NAV1: variants seen among roughly 807,000 people sequenced by gnomAD.
NAV1 encodes the protein pore membrane and/or filament interacting like protein 3.
In NAV1, 18 loss-of-function variants were observed where a neutral mutation model predicts 175.2. That is an observed-to-expected ratio of 0.10 (90% CI 0.07 to 0.15). NAV1 has a LOEUF of 0.15. Ranked by LOEUF, NAV1 falls within the 10% of genes least tolerant of loss-of-function variation. NAV1 has a pLI of 1.00. For missense variants in NAV1, 1,731 were observed against 2,436.6 expected (o/e 0.71, Z 6.10); for synonymous variants, 897 against 978.7 (o/e 0.92, Z 1.56).
chr1:201,720,599 A>G (rs1672342018), intron 3 of NAV1, among the ~76,000 whole-genome samples: 1 of 152,194 alleles, frequency 6.6e-6, no homozygotes, highest in South Asian at 2.1e-4. Flanking sequence ...TCCGGCTCTT[A>G]ACTAGCTGTA....
At chr1:201,561,070 T>G (rs1311376162) in intron 1 of NAV1, among the ~76,000 whole-genome samples, 1 of 152,140 alleles carries the variant, frequency 6.6e-6, no homozygotes, top group Non-Finnish European at 1.5e-5. Context: ...TTTCTGAACC[T>G]TTTCTCCATG....
intron 1 of NAV1, among the ~76,000 whole-genome samples, chr1:201,574,817 T>G (rs896253873): frequency 1.3e-5 from 2 of 152,172 alleles, no homozygotes; most frequent in African/African-American, 4.8e-5. Flanking sequence ...ACAGACAGAT[T>G]CAGTGTCTCA....
At chr1:201,547,949 A>G (rs1412273101) in intron 1 of NAV1, among the ~76,000 whole-genome samples, 1 of 152,112 alleles carries the variant, frequency 6.6e-6, no homozygotes, top group African/African-American at 2.4e-5. Flanking sequence ...ACCTGCCACC[A>G]TGCCCGGCTA....
In NAV1 at chr1:201,787,789, C is replaced by T. The variant is rs915850641; in HGVS notation, c.2996-679C>T. 10 of 448,426 alleles carry T rather than the reference C, an allele frequency of 2.2e-5. No homozygotes were observed. Among genetic ancestry groups the T allele is most frequent in the East Asian group, 1.4e-4 (2 of 14,278 alleles). 27.8% of individuals were successfully genotyped at this position (448,426 alleles called of 1,614,324 possible). ...AAGGGGTAAGGCATCTGCAGGTTAA[C>T]GGGATTCAGCTGAACCCAGCTTCAA... On this transcript the variant is annotated intron_variant, in intron 9 of 29. Transcript: ENST00000367296. The surrounding 1 kb of genome is among the most constrained non-coding windows in gnomAD (Gnocchi z 4.3).
exon 22 of NAV1, chr1:201,809,524 T>G (rs756754123): frequency 1.2e-6 from 2 of 1,614,034 alleles, no homozygotes; most frequent in South Asian, 1.1e-5. Context: ...GAAGCTGTTT[T>G]CCAAGTGTTC....
At chr1:201,583,034 A>G (rs547331739) in intron 1 of NAV1, among the ~76,000 whole-genome samples, 164 of 152,372 alleles carry the variant, frequency 1.1e-3, no homozygotes, top group African/African-American at 3.8e-3. Flanking sequence ...ATCCGCTGCC[A>G]TAGCCCTGAG....
intron 1 of NAV1, among the ~76,000 whole-genome samples, chr1:201,690,783 C>T (rs1670897105): frequency 6.6e-6 from 1 of 152,154 alleles, no homozygotes; most frequent in African/African-American, 2.4e-5. Context: ...TGTCTGTTTC[C>T]TCCGTGGCCT....
intron 2 of NAV1, among the ~76,000 whole-genome samples, chr1:201,642,282 G>A (rs529101023): frequency 2.7e-5 from 4 of 150,132 alleles, no homozygotes; most frequent in South Asian, 2.1e-4. Context: ...GCGCGATCTC[G>A]GCTCACTGCA....
At chr1:201,764,977 A>C (rs1452850339) in intron 3 of NAV1, among the ~76,000 whole-genome samples, 3 of 152,222 alleles carry the variant, frequency 2.0e-5, no homozygotes, top group Non-Finnish European at 4.4e-5. Context: ...ACCATTAAAA[A>C]CACTTGAACC....
At chr1:201,728,599 CAAAAAAAA>C (rs1278753255) in intron 3 of NAV1, among the ~76,000 whole-genome samples, 3 of 58,800 alleles carry the variant, frequency 5.1e-5, no homozygotes, top group East Asian at 7.1e-4. Flanking sequence ...CATCGCAAAA[CAAAAAAAA>C]AAAAAAAAGA....
At position 201,808,902 on chromosome 1, in the gene NAV1, T is replaced by C. The variant is rs1650163863; in HGVS notation, c.4207+31T>C. ...TGTGTGGGAGAAGAATCTATAAGGG[T>C]GAAGGGAAGAAAAGGGCTTATTTCA... On this transcript the variant is annotated intron_variant, in intron 20 of 29. Transcript: ENST00000367296. This position sits in a 1 kb window ranked among gnomAD's most constrained non-coding sequence, Gnocchi z 5.5. The C allele has an allele frequency of 6.3e-7, 1 of 1,592,510 alleles. No individual in the cohort carries two copies. Among genetic ancestry groups the C allele is most frequent in the African/African-American group, 1.3e-5 (1 of 74,340 alleles).
intron 1 of NAV1, among the ~76,000 whole-genome samples, chr1:201,660,043 T>C (rs1413700868): frequency 1.3e-5 from 2 of 152,196 alleles, no homozygotes; most frequent in Non-Finnish European, 2.9e-5. Flanking sequence ...GTGTAGGTAC[T>C]GTCCTGCTGT....
chr1:201,539,735 C>G lies in NAV1; in HGVS notation c.-144+393C>G, dbSNP rs75772344. Among the ~76,000 whole-genome samples, 1,878 of 152,290 alleles carry G rather than the reference C, an allele frequency of 0.012. 46 individuals are homozygous for G. The highest frequency in any genetic ancestry group is 0.043 in the African/African-American group (1,783 of 41,546). ...CTGCGTTCTTATACTCGCACCCACA[C>G]GGCAAGCACACACCCTACCCGCACC... On this transcript the variant is annotated intron_variant, in intron 1 of 33. Transcript: ENST00000685211. This position sits in a 1 kb window ranked among gnomAD's most constrained non-coding sequence, Gnocchi z 5.6.
chr1:201,735,572 T>TGGACCC (rs1673085900), intron 3 of NAV1, among the ~76,000 whole-genome samples: 1 of 152,272 alleles, frequency 6.6e-6, no homozygotes, highest in South Asian at 2.1e-4. Context: ...TGCCTGGACC[T>TGGACCC]GGACCCAATG....
intron 1 of NAV1, among the ~76,000 whole-genome samples, chr1:201,543,868 T>G (rs11579478): frequency 0.41 from 61,898 of 152,158 alleles, 14,889 homozygotes; most frequent in Non-Finnish European, 0.56. Flanking sequence ...ACCGCCATTT[T>G]ACTTCCCATC....
At chr1:201,821,037 G>A (rs529231526) in exon 30 of NAV1, 1 of 152,298 alleles carries the variant, frequency 6.6e-6, no homozygotes. Flanking sequence ...GAGGAACCCA[G>A]TTCCCTTGAC....
chr1:201,718,906 T>G lies in NAV1; in HGVS notation c.1226+151T>G. ...AAAGTGTGCTGTGTACACTTTGTGATTGCCTCTGAAATTCGATGTGGTTTA... is the reference window on the plus strand; with the variant it reads ...AAAGTGTGCTGTGTACACTTTGTGAGTGCCTCTGAAATTCGATGTGGTTTA... On this transcript the variant is annotated intron_variant, in intron 3 of 29. Coordinates refer to ENST00000367296, the Ensembl canonical transcript of NAV1. This position sits in a 1 kb window ranked among gnomAD's most constrained non-coding sequence, Gnocchi z 4.8. The G allele has an allele frequency of 1.9e-6, 2 of 1,043,012 alleles. No homozygotes were observed. The highest frequency in any genetic ancestry group is 2.8e-6 in the Non-Finnish European group (2 of 720,650). The allele number at this position is 1,043,012 out of a possible 1,614,324, so 64.6% of individuals were successfully genotyped here.
chr1:201,694,098 C>T lies in NAV1; in HGVS notation c.758-18719C>T, dbSNP rs1259715617. Among the ~76,000 whole-genome samples the T allele has an allele frequency of 6.6e-6, 1 of 152,228 alleles. No individual in the cohort carries two copies. The highest frequency in any genetic ancestry group is 1.5e-5 in the Non-Finnish European group (1 of 68,040). On this transcript the variant is annotated intron_variant, in intron 1 of 29. Transcript: ENST00000367296. The surrounding 1 kb of genome is among the most constrained non-coding windows in gnomAD (Gnocchi z 4.2). ...ATCAATTCAGTCAAGACTCTGCTCA[C>T]GCCTGTCCCCAGGAGCAAAGCCTTG...
intron 2 of NAV1, among the ~76,000 whole-genome samples, chr1:201,633,844 G>T (rs997188111): frequency 1.3e-5 from 2 of 152,164 alleles, no homozygotes; most frequent in Non-Finnish European, 2.9e-5. Flanking sequence ...TGAGCAGGTT[G>T]GTGCTGTTGT....
Sources: gnomAD v4.1 joint callset for allele counts (sites outside exome capture counted in the v4.1 genomes callset) on GRCh38, gnomAD v4.1.1 for gene constraint, Gnocchi (gnomAD v3.1) non-coding constraint, MANE v1.5 for transcripts, NCBI Gene and HGNC (gene_info 2026-07-23, HGNC 2026-07-21) for gene names.